The following NFAM1 variants were observed in gnomAD, a reference collection of about 807,000 sequenced individuals.
The protein encoded by NFAM1 is NFAT activating protein with ITAM motif 1.
In NFAM1, 17 loss-of-function variants were observed where a neutral mutation model predicts 29.0. That is an observed-to-expected ratio of 0.59 (90% CI 0.40 to 0.88). NFAM1 has a LOEUF of 0.88. NFAM1 is among the 40% of genes least tolerant of loss of function. The pLI, the probability that NFAM1 is intolerant of heterozygous loss-of-function variation, is 0.00. For synonymous variants in NFAM1, 175 were observed against 147.2 expected (o/e 1.19, Z -1.36); for missense variants, 324 against 344.6 (o/e 0.94, Z 0.47).
rs1422695498 is a variant in NFAM1, at chr22:42,419,655, T to A, written c.122-7919A>T. Reference sequence around the variant, plus strand: ...GCCCACTCCTGCGTAGACGTCAGCCTGCCACACTCCGGCGCCTTCGCCCGT... The same window carrying A: ...GCCCACTCCTGCGTAGACGTCAGCCAGCCACACTCCGGCGCCTTCGCCCGT... On this transcript the variant is annotated intron_variant, in intron 1 of 5. Transcript: ENST00000329021. This position sits in a 1 kb window ranked among gnomAD's most constrained non-coding sequence, Gnocchi z 4.5. 6.6e-6 allele frequency among the ~76,000 whole-genome samples: 1 copy of A among 152,166 alleles called. No individual in the cohort carries two copies. The highest frequency in any genetic ancestry group is 1.5e-5 in the Non-Finnish European group (1 of 68,006).
upstream of NFAM1, chr22:42,437,010 C>T: frequency 2.0e-6 from 2 of 984,404 alleles, no homozygotes; most frequent in African/African-American, 1.7e-5. Context: ...ATACCATGGT[C>T]CCCCTGCTAT....
chr22:42,436,018 C>T (rs1601769712), upstream of NFAM1, among the ~76,000 whole-genome samples: 1 of 150,648 alleles, frequency 6.6e-6, no homozygotes, highest in Admixed American at 6.6e-5. Flanking sequence ...TAGGGTTTTA[C>T]CATGTTGGCC....
intron 3 of NFAM1, among the ~76,000 whole-genome samples, chr22:42,399,105 A>G (rs1362871517): frequency 6.6e-6 from 1 of 152,164 alleles, no homozygotes; most frequent in Non-Finnish European, 1.5e-5. Context: ...AGGTAGAGGG[A>G]ACAGCAGGTG....
intron 1 of NFAM1, among the ~76,000 whole-genome samples, chr22:42,414,546 C>T (rs1033218634): frequency 6.6e-6 from 1 of 151,824 alleles, no homozygotes; most frequent in African/African-American, 2.4e-5. Flanking sequence ...CAAGGCCAGC[C>T]TGGGCATCAA....
chr22:42,429,434 G>A (rs113382747), intron 1 of NFAM1, among the ~76,000 whole-genome samples: 2,018 of 151,784 alleles, frequency 0.013, 40 homozygotes, highest in African/African-American at 0.046. Context: ...TGGCCAACAC[G>A]GTGAAAACCT....
intron 4 of NFAM1, among the ~76,000 whole-genome samples, chr22:42,389,688 C>T (rs1240667329): frequency 2.8e-5 from 2 of 70,412 alleles, no homozygotes; most frequent in East Asian, 8.1e-4. Context: ...CTGGGCTGGG[C>T]TGGGCTGGGG....
chr22:42,424,989 C>T (rs918739805), intron 1 of NFAM1, among the ~76,000 whole-genome samples: 15 of 151,652 alleles, frequency 9.9e-5, no homozygotes, highest in African/African-American at 3.6e-4. Flanking sequence ...TGGTGCAATC[C>T]CGTCTCACAG....
At chr22:42,425,463 G>A (rs549266239) in intron 1 of NFAM1, among the ~76,000 whole-genome samples, 21 of 151,836 alleles carry the variant, frequency 1.4e-4, no homozygotes, top group African/African-American at 4.6e-4. Flanking sequence ...AAGATCCCTC[G>A]CCCTCCAGGC....
intron 1 of NFAM1, 143 bp downstream of exon 1, chr22:42,432,094 C>T: frequency 4.0e-6 from 3 of 753,020 alleles, no homozygotes; most frequent in East Asian, 5.5e-5. Context: ...AGAAGGCTTC[C>T]CCTGTGAAGT....
intron 3 of NFAM1, among the ~76,000 whole-genome samples, chr22:42,404,823 C>T (rs1349626758): frequency 7.0e-6 from 1 of 143,838 alleles, no homozygotes; most frequent in African/African-American, 2.6e-5. Flanking sequence ...CATTGTACTC[C>T]AGCCTAGGCA....
rs1336019096 is a variant in NFAM1 at position 42,432,257 on chromosome 22, G to GGCA, written c.98_100dup (p.Leu33dup). The stretch of plus-strand genomic sequence containing the variant: ...ACTACCTGCCAGTCGCAGGGTCCCG[G>GGCA]GCAGCAGCAGCACGCCAAGGAGGAG... On this transcript the variant is annotated inframe_insertion, in exon 1 of 6. Coordinates refer to ENST00000329021, the MANE Select transcript of NFAM1 (RefSeq NM_145912.8). 1 of 1,572,830 alleles carries GGCA rather than the reference G, an allele frequency of 6.4e-7. No individual in the cohort carries two copies. The highest frequency in any genetic ancestry group is 2.3e-5 in the East Asian group (1 of 42,804).
chr22:42,415,158 C>T (rs1460235277), intron 1 of NFAM1, among the ~76,000 whole-genome samples: 1 of 152,070 alleles, frequency 6.6e-6, no homozygotes, highest in African/African-American at 2.4e-5. Flanking sequence ...TAACAACGTC[C>T]AGTCTGGAGA....
intron 3 of NFAM1, among the ~76,000 whole-genome samples, chr22:42,401,375 C>T (rs145764478): frequency 9.7e-4 from 147 of 152,292 alleles, no homozygotes; most frequent in Middle Eastern, 3.4e-3. Context: ...GGTGTCTACC[C>T]GAAGGGCAGT....
At chr22:42,432,477 A>C, upstream of NFAM1, 1 of 1,401,982 alleles carries the variant, frequency 7.1e-7, no homozygotes, top group Non-Finnish European at 9.4e-7. Flanking sequence ...CCTTCCGCTC[A>C]GAAGCAAAGC....
intron 2 of NFAM1, chr22:42,410,459 G>A (rs1479497013): frequency 7.8e-6 from 3 of 383,574 alleles, no homozygotes; most frequent in Non-Finnish European, 1.1e-5. Flanking sequence ...CAGGATTCGA[G>A]ACCAGCCTGG....
At chr22:42,416,237 G>A (rs1440667265) in intron 1 of NFAM1, among the ~76,000 whole-genome samples, 1 of 152,204 alleles carries the variant, frequency 6.6e-6, no homozygotes, top group Non-Finnish European at 1.5e-5. Context: ...TCAGGAAGTC[G>A]AAGCAGGAGG....
Position 42,411,733 on chromosome 22 carries a change from C to A in NFAM1, c.125G>T (p.Gly42Val). The A allele has an allele frequency of 6.2e-7, 1 of 1,611,818 alleles. No individual in the cohort carries two copies. Among genetic ancestry groups the A allele is most frequent in the Non-Finnish European group, 8.5e-7 (1 of 1,178,136 alleles). The change falls in exon 2 of 6, where the codon GGA becomes GTA. Residue 42 changes from glycine to valine, a missense_variant. Gly to Val is a moderately radical substitution (Grantham distance 109). Transcript: ENST00000329021. ...LLPGTLRLAG[G>V]QSVTHTGLPI... ...CAGGCCGGTGTGGGTCACTGACTGTCCTCCTGGAGGGGAAGCAAAGGGAGA... is the reference window on the plus strand; with the variant it reads ...CAGGCCGGTGTGGGTCACTGACTGTACTCCTGGAGGGGAAGCAAAGGGAGA...
Position 42,411,557 on chromosome 22 carries a change from G to C in NFAM1, c.301C>G (p.Pro101Ala). The C allele has an allele frequency of 6.2e-7, 1 of 1,614,216 alleles. No individual in the cohort carries two copies. The highest frequency in any genetic ancestry group is 8.5e-7 in the Non-Finnish European group (1 of 1,180,034). Reference sequence around the variant, plus strand: ...CTCTGGTTCTCTGTGCCCAGTCCAGGGTGGCAGTTTGTTGGCTTCTTAGGG... The same window carrying C: ...CTCTGGTTCTCTGTGCCCAGTCCAGCGTGGCAGTTTGTTGGCTTCTTAGGG... ...RSPKKPTNCH[P>A]GLGTENQSHT... Residue 101 changes from proline (P) to alanine (A), a missense_variant, in exon 2 of 6, where the codon CCT becomes GCT. Transcript: ENST00000329021.
chr22:42,429,592 G>T (rs141962650), intron 1 of NFAM1, among the ~76,000 whole-genome samples: 3 of 152,264 alleles, frequency 2.0e-5, no homozygotes, highest in African/African-American at 7.2e-5. Flanking sequence ...CTCCAGCCTG[G>T]GCAACAGAGC....
Sources: allele counts gnomAD v4.1 joint callset (sites outside exome capture counted in the v4.1 genomes callset), GRCh38; gene constraint gnomAD v4.1.1; non-coding constraint Gnocchi (gnomAD v3.1); transcripts MANE v1.5; gene names NCBI Gene and HGNC (gene_info 2026-07-23, HGNC 2026-07-21).